SCML2: variants seen among roughly 807,000 people sequenced by gnomAD.
SCML2 encodes sex comb on midleg-like protein 2.
Under a neutral mutation model 48.4 loss-of-function variants are expected in SCML2, and 6 were observed. The ratio of observed to expected loss-of-function variants is 0.12; its 90% CI spans 0.07 to 0.24. The LOEUF is 0.24. SCML2 is among the 10% of genes least tolerant of loss of function. The pLI is 1.00. For synonymous variants in SCML2, 181 were observed against 189.5 expected, an observed-to-expected ratio of 0.95 and a Z score of 0.37; for missense variants, 377 against 528.2, an observed-to-expected ratio of 0.71 and a Z score of 2.81.
intron 7 of SCML2, among the ~76,000 whole-genome samples, chrX:18,278,681 G>A (rs1337769776): frequency 8.9e-6 from 1 of 112,602 alleles, no homozygotes; most frequent in African/African-American, 3.2e-5. Flanking sequence ...CTGTGCAGGA[G>A]CAGGTGCACG....
intron 2 of SCML2, among the ~76,000 whole-genome samples, chrX:18,333,232 G>T (rs921112405): frequency 1.8e-5 from 2 of 110,091 alleles, no homozygotes; most frequent in East Asian, 5.7e-4. Context: ...AGCCATGATC[G>T]TGCCACTGCC....
rs138759972 is a variant in SCML2 at position 18,325,498 on chromosome X, T to C, written c.92-521A>G. 5.3e-4 allele frequency among the ~76,000 whole-genome samples: 59 copies of C among 111,764 alleles called. 1 individual carries two copies. The highest frequency in any genetic ancestry group is 2.0e-3 in the Admixed American group (21 of 10,444). ...ACCAGAGTAGTTTCTCAATGGACTATTAGATCTCTATTCAGAGTGTCAAGA... is the reference window on the plus strand; with the variant it reads ...ACCAGAGTAGTTTCTCAATGGACTACTAGATCTCTATTCAGAGTGTCAAGA... On this transcript the variant is annotated intron_variant, in intron 3 of 14. Coordinates refer to ENST00000251900, the MANE Select transcript of SCML2 (RefSeq NM_006089.3).
At chrX:18,276,416 T>C (rs1202134626) in intron 7 of SCML2, among the ~76,000 whole-genome samples, 1 of 111,816 alleles carries the variant, frequency 8.9e-6, no homozygotes, top group African/African-American at 3.3e-5. Context: ...CTCATATATA[T>C]GTGAGTGGAA....
chrX:18,336,210 C>T (rs1322642100), intron 1 of SCML2, among the ~76,000 whole-genome samples: 1 of 110,396 alleles, frequency 9.1e-6, no homozygotes, highest in Admixed American at 9.7e-5. Context: ...TTTGGGAGGC[C>T]GAGGCAGATC....
intron 1 of SCML2, among the ~76,000 whole-genome samples, chrX:18,335,605 T>C (rs1198240009): frequency 1.8e-5 from 2 of 112,150 alleles, no homozygotes. Flanking sequence ...GGTTCCCATG[T>C]TCTCTCAAAT....
chrX:18,352,825 T>C (rs199679740), intron 1 of SCML2, among the ~76,000 whole-genome samples: 1 of 112,030 alleles, frequency 8.9e-6, no homozygotes, highest in East Asian at 2.8e-4. Context: ...CCCGCACATA[T>C]AATGCAGTAG....
intron 3 of SCML2, among the ~76,000 whole-genome samples, chrX:18,327,665 T>G (rs1296227093): frequency 2.7e-5 from 3 of 112,287 alleles, no homozygotes; most frequent in African/African-American, 6.5e-5. Context: ...TGCTCTACAA[T>G]ATAATTTTCT....
intron 7 of SCML2, among the ~76,000 whole-genome samples, chrX:18,292,446 C>A (rs1928262032): frequency 9.1e-6 from 1 of 110,293 alleles, no homozygotes; most frequent in South Asian, 3.8e-4. Flanking sequence ...AACAGCCATA[C>A]AATGGAATGC....
In SCML2 at chrX:18,296,564, A is replaced by G. The variant is rs187142258; in HGVS notation, c.730+8408T>C. Among the ~76,000 whole-genome samples, 4 of 111,797 alleles carry G rather than the reference A, an allele frequency of 3.6e-5. No homozygotes were observed. The Admixed American group carries it at 3.8e-4, about 11-fold the overall frequency. ...AGCTGAAAACTACCCAAACGAAAAG[A>G]GACATCACAACAAAAGCTACAGAAA... On this transcript the variant is annotated intron_variant, in intron 7 of 14. Coordinates refer to ENST00000251900, the MANE Select transcript of SCML2 (RefSeq NM_006089.3).
At chrX:18,350,838 T>TATATATATATAA (rs778465012) in intron 1 of SCML2, among the ~76,000 whole-genome samples, 64 of 111,986 alleles carry the variant, frequency 5.7e-4, no homozygotes, top group Non-Finnish European at 1.1e-3. Context: ...ATTATACCAG[T>TATATATATATAA]ATTTATATAA....
rs745855718 is a variant in SCML2, at chrX:18,297,824, AC to A, written c.730+7147del. On this transcript the variant is annotated intron_variant, in intron 7 of 14. Coordinates refer to ENST00000251900, the MANE Select transcript of SCML2 (RefSeq NM_006089.3). Reference sequence around the variant, plus strand: ...AGACCCTGTCTCTACAAAAAAAAACACAAAAAACAAAACAAAACAAAAAACA... The same window carrying A: ...AGACCCTGTCTCTACAAAAAAAAACAAAAAAACAAAACAAAACAAAAAACA... Among the ~76,000 whole-genome samples the A allele has an allele frequency of 9.9e-5, 11 of 110,751 alleles. No individual in the cohort carries two copies. In the South Asian group the frequency reaches 3.9e-3, roughly 39 times the overall value.
At chrX:18,259,686 C>A (rs1027327735) in intron 9 of SCML2, among the ~76,000 whole-genome samples, 28 of 111,776 alleles carry the variant, frequency 2.5e-4, no homozygotes, top group African/African-American at 8.4e-4. Context: ...TTACAACAAT[C>A]ATTTTTAAAG....
At chrX:18,305,672 G>C (rs766276944) in intron 6 of SCML2, among the ~76,000 whole-genome samples, 4 of 108,959 alleles carry the variant, frequency 3.7e-5, no homozygotes, top group Non-Finnish European at 5.7e-5. Flanking sequence ...TCAAAAAGTG[G>C]TAAGTCCAAA....
intron 5 of SCML2, among the ~76,000 whole-genome samples, chrX:18,322,976 G>A (rs1929369445): frequency 9.0e-6 from 1 of 111,311 alleles, no homozygotes; most frequent in Admixed American, 9.6e-5. Context: ...CTAAAGAGTG[G>A]CTATTGTTAA....
intron 4 of SCML2, among the ~76,000 whole-genome samples, chrX:18,324,521 G>GC (rs1929420385): frequency 9.0e-6 from 1 of 110,980 alleles, no homozygotes; most frequent in Non-Finnish European, 1.9e-5. Flanking sequence ...TTGTGCTCCA[G>GC]CCACCCCAAG....
At chrX:18,349,947 A>C (rs1930320908) in intron 1 of SCML2, among the ~76,000 whole-genome samples, 1 of 111,844 alleles carries the variant, frequency 8.9e-6, no homozygotes, top group African/African-American at 3.3e-5. Flanking sequence ...ATAGCTTCTA[A>C]AATTTTTTCA....
chrX:18,343,935 A>AG (rs1930112724), intron 1 of SCML2, among the ~76,000 whole-genome samples: 1 of 106,501 alleles, frequency 9.4e-6, no homozygotes, highest in Non-Finnish European at 1.9e-5. Context: ...AAAAAAAAAA[A>AG]AAAAAAAGAA....
At chrX:18,288,716 A>G (rs975116085) in intron 7 of SCML2, among the ~76,000 whole-genome samples, 3 of 112,249 alleles carry the variant, frequency 2.7e-5, no homozygotes, top group African/African-American at 6.5e-5. Flanking sequence ...TCAATATTCC[A>G]GAGAAACAAG....
chrX:18,293,525 T>C (rs760497561), intron 7 of SCML2, among the ~76,000 whole-genome samples: 1 of 112,196 alleles, frequency 8.9e-6, no homozygotes, highest in Non-Finnish European at 1.9e-5. Context: ...TACTTTAACA[T>C]GGTTTGGACT....
Sources: allele counts gnomAD v4.1 joint callset (sites outside exome capture counted in the v4.1 genomes callset), GRCh38; gene constraint gnomAD v4.1.1; transcripts MANE v1.5; gene names NCBI Gene and HGNC (gene_info 2026-07-23, HGNC 2026-07-21).